The following AGMO variants were observed in gnomAD, a reference collection of about 807,000 sequenced individuals.
The protein encoded by AGMO is glyceryl-ether monooxygenase.
Under a neutral mutation model 60.2 loss-of-function variants are expected in AGMO, and 75 were observed. The ratio of observed to expected loss-of-function variants is 1.25; its 90% CI spans 1.03 to 1.51. The LOEUF is 1.51. AGMO is among the 40% of genes most tolerant of loss of function. The pLI is 0.00. For missense variants in AGMO, 763 were observed against 525.5 expected, an observed-to-expected ratio of 1.45 and a Z score of -4.42; for synonymous variants, 261 against 177.1, an observed-to-expected ratio of 1.47 and a Z score of -3.76.
rs1784550797 is a variant in AGMO, at chr7:15,301,149, C to G, written c.1263+64365G>C. ...AGTGTTATTGATACTAATTTAAAAG[C>G]AAATGCTGGCCGGGCGCGGTGGCTC... On this transcript the variant is annotated intron_variant, in intron 12 of 12. Coordinates refer to ENST00000342526, the MANE Select transcript of AGMO (RefSeq NM_001004320.2). Among the ~76,000 whole-genome samples, 4 of 152,052 alleles carry G rather than the reference C, an allele frequency of 2.6e-5. No individual in the cohort carries two copies. In the South Asian group the frequency reaches 8.3e-4, roughly 32 times the overall value.
chr7:15,213,570 C>A (rs2128494608), intron 12 of AGMO, among the ~76,000 whole-genome samples: 1 of 151,608 alleles, frequency 6.6e-6, no homozygotes, highest in East Asian at 1.9e-4. Flanking sequence ...GTAAAAAAAC[C>A]CTGAAAAATC....
At chr7:15,420,187 T>C (rs904450099) in intron 4 of AGMO, among the ~76,000 whole-genome samples, 1 of 152,092 alleles carries the variant, frequency 6.6e-6, no homozygotes, top group Non-Finnish European at 1.5e-5. Context: ...TGACAGCTAT[T>C]ATGGAAAAAG....
Position 15,480,689 on chromosome 7 carries a change from T to C in AGMO, c.410-49581A>G, listed in dbSNP as rs1408689524. Among the ~76,000 whole-genome samples, 3 of 152,278 alleles carry C rather than the reference T, an allele frequency of 2.0e-5. No homozygotes were observed. In the East Asian group the frequency reaches 5.8e-4, roughly 29 times the overall value. ...AAACTTACCTTTATCTGTTCTCCCA[T>C]TTCACAAGAAAATTTTATAGTTTGG... On this transcript the variant is annotated intron_variant, in intron 3 of 12. Coordinates refer to ENST00000342526, the MANE Select transcript of AGMO (RefSeq NM_001004320.2).
At chr7:15,135,979 C>CTTTTTTTTTTTTTTT in the AGMO span, among the ~76,000 whole-genome samples, 4 of 106,862 alleles carry the variant, frequency 3.7e-5, no homozygotes, top group Non-Finnish European at 5.4e-5. Context: ...TTTTTCTTTT[C>CTTTTTTTTTTTTTTT]TTTTTTTTTT....
At chr7:15,160,640 G>C in the AGMO span, among the ~76,000 whole-genome samples, 7 of 152,076 alleles carry the variant, frequency 4.6e-5, no homozygotes, top group Admixed American at 2.0e-4. Context: ...CATATGGAAA[G>C]GAACAATAAT....
At chr7:15,449,831 G>C (rs74648443) in intron 3 of AGMO, among the ~76,000 whole-genome samples, 27,068 of 152,050 alleles carry the variant, frequency 0.18, 2,575 homozygotes, top group South Asian at 0.26. Context: ...AATGAGTAAA[G>C]TCAAGTCCAC....
intron 12 of AGMO, among the ~76,000 whole-genome samples, chr7:15,241,257 G>C (rs1003876592): frequency 6.6e-6 from 1 of 151,356 alleles, no homozygotes; most frequent in Non-Finnish European, 1.5e-5. Flanking sequence ...TCAGGAGATC[G>C]AGACCATCCT....
chr7:15,342,326 C>A (rs779079525), intron 12 of AGMO, among the ~76,000 whole-genome samples: 4 of 151,764 alleles, frequency 2.6e-5, no homozygotes, highest in Non-Finnish European at 2.9e-5. Context: ...GACCAGAAAA[C>A]AAAGGAGGGA....
chr7:15,378,861 G>C lies in AGMO; in HGVS notation c.1074+6585C>G, dbSNP rs116171834. Among the ~76,000 whole-genome samples the C allele has an allele frequency of 6.9e-3, 1,045 of 152,002 alleles. 19 individuals carry two copies. The highest frequency in any genetic ancestry group is 0.024 in the African/African-American group (992 of 41,468). On this transcript the variant is annotated intron_variant, in intron 10 of 12. Transcript: ENST00000342526. ...ATAATCTAAAATCAATCACAAAAAT[G>C]AAAGTAAAACACTACTCAGCAAATG...
chr7:15,489,560 C>A (rs1289750694), intron 3 of AGMO, among the ~76,000 whole-genome samples: 12 of 152,178 alleles, frequency 7.9e-5, no homozygotes, highest in Non-Finnish European at 1.8e-4. Flanking sequence ...ACAGGGTCAA[C>A]CTTGTTTTAT....
intron 3 of AGMO, among the ~76,000 whole-genome samples, chr7:15,523,503 T>TA (rs1784053393): frequency 6.6e-6 from 1 of 152,124 alleles, no homozygotes; most frequent in Non-Finnish European, 1.5e-5. Context: ...TATGCAGTCA[T>TA]AAAAAATAAT....
At chr7:15,551,252 T>C (rs901341558) in intron 2 of AGMO, among the ~76,000 whole-genome samples, 3 of 152,094 alleles carry the variant, frequency 2.0e-5, no homozygotes, top group African/African-American at 7.2e-5. Flanking sequence ...CTTTGAAAAC[T>C]GGCATAAGAT....
chr7:15,349,068 G>C (rs550544008), intron 12 of AGMO, among the ~76,000 whole-genome samples: 1 of 152,088 alleles, frequency 6.6e-6, no homozygotes. Flanking sequence ...CACTTTATGA[G>C]TACAACATGG....
chr7:15,447,781 A>G (rs4130419), intron 3 of AGMO, among the ~76,000 whole-genome samples: 95,675 of 151,800 alleles, frequency 0.63, 30,819 homozygotes, highest in Non-Finnish European at 0.7. Flanking sequence ...TTGAACTCCT[A>G]ACCTCAAGTG....
At position 15,454,045 on chromosome 7, in the gene AGMO, C is replaced by G. The variant is rs557587469; in HGVS notation, c.410-22937G>C. Reference sequence around the variant, plus strand: ...TTTATATATTTTTTATATATATATACCACTAGAGAGAATTTTGAGAGAACT... The same window carrying G: ...TTTATATATTTTTTATATATATATAGCACTAGAGAGAATTTTGAGAGAACT... On this transcript the variant is annotated intron_variant, in intron 3 of 12. Transcript: ENST00000342526. 3.4e-5 allele frequency among the ~76,000 whole-genome samples: 5 copies of G among 146,402 alleles called. No homozygotes were observed. The East Asian group carries it at 9.9e-4, about 29-fold the overall frequency.
rs2128560583 is a variant in AGMO at position 15,364,214 on chromosome 7, C to T, written c.1263+1300G>A. ...AATATTAATAAAGAATCTTCTGCTT[C>T]TTCCTTTCTTCTAACCACAAAATTC... On this transcript the variant is annotated intron_variant, in intron 12 of 12. Transcript: ENST00000342526. Among the ~76,000 whole-genome samples the T allele has an allele frequency of 2.0e-5, 3 of 152,014 alleles. No individual in the cohort carries two copies. In the Middle Eastern group the frequency reaches 0.01, roughly 517 times the overall value.
intron 3 of AGMO, among the ~76,000 whole-genome samples, chr7:15,482,310 A>T (rs970335822): frequency 6.6e-6 from 1 of 152,132 alleles, no homozygotes; most frequent in African/African-American, 2.4e-5. Flanking sequence ...TACCTATAAC[A>T]GGAATAAAAC....
the AGMO span, among the ~76,000 whole-genome samples, chr7:15,146,770 G>A: frequency 6.6e-6 from 1 of 152,114 alleles, no homozygotes; most frequent in African/African-American, 2.4e-5. Flanking sequence ...AACATTCCCT[G>A]CAGATTGCTC....
intron 12 of AGMO, among the ~76,000 whole-genome samples, chr7:15,247,425 C>T (rs1016686266): frequency 4.2e-5 from 4 of 94,942 alleles, no homozygotes; most frequent in African/African-American, 9.3e-5. Flanking sequence ...CACACACACA[C>T]ACACACACAC....
Sources: allele counts gnomAD v4.1 joint callset (sites outside exome capture counted in the v4.1 genomes callset), GRCh38; gene constraint gnomAD v4.1.1; transcripts MANE v1.5; gene names NCBI Gene and HGNC (gene_info 2026-07-23, HGNC 2026-07-21).